The following GABBR2 variants were observed in gnomAD, a reference collection of about 807,000 sequenced individuals.
GABBR2 encodes the protein gamma-aminobutyric acid type B receptor subunit 2.
In GABBR2, 23 loss-of-function variants were observed where a neutral mutation model predicts 105.6. That is an observed-to-expected ratio of 0.22 (90% CI 0.16 to 0.31). The LOEUF is 0.31. Among genes scored for constraint, GABBR2 ranks in the 10% least tolerant of loss-of-function variants. The pLI is 1.00. For missense variants in GABBR2, 734 were observed against 1,245.5 expected, an observed-to-expected ratio of 0.59 and a Z score of 6.18; for synonymous variants, 478 against 499.7, an observed-to-expected ratio of 0.96 and a Z score of 0.58.
intron 1 of GABBR2, among the ~76,000 whole-genome samples, chr9:98,625,850 G>A (rs1006306600): frequency 3.3e-5 from 5 of 152,220 alleles, no homozygotes; most frequent in Non-Finnish European, 7.3e-5. Context: ...CCATTTCACA[G>A]ATGAAGAAAC....
At chr9:98,401,390 T>G (rs745596102) in intron 8 of GABBR2, among the ~76,000 whole-genome samples, 16 of 151,800 alleles carry the variant, frequency 1.1e-4, no homozygotes, top group Non-Finnish European at 2.1e-4. Context: ...ACATGGAGAG[T>G]CGATGGCTCA....
chr9:98,438,033 C>T (rs551534110), intron 7 of GABBR2, among the ~76,000 whole-genome samples: 83 of 151,610 alleles, frequency 5.5e-4, no homozygotes, highest in Non-Finnish European at 9.0e-4. Context: ...CACCTACCCA[C>T]GTATCCATTC....
intron 9 of GABBR2, 88 bp from the exon 10 acceptor site, chr9:98,389,092 A>G: frequency 8.5e-7 from 1 of 1,179,010 alleles, no homozygotes; most frequent in South Asian, 1.5e-5. Context: ...ACATCCAGCC[A>G]GGCCCTGCGC....
intron 6 of GABBR2, among the ~76,000 whole-genome samples, chr9:98,455,572 G>A (rs966908736): frequency 6.6e-6 from 1 of 152,140 alleles, no homozygotes; most frequent in Non-Finnish European, 1.5e-5. Flanking sequence ...GGTGGAGGGA[G>A]GGGGGGCGCG....
intron 13 of GABBR2, among the ~76,000 whole-genome samples, chr9:98,361,358 C>T (rs1471051301): frequency 7.0e-6 from 1 of 143,408 alleles, no homozygotes; most frequent in Admixed American, 6.7e-5. Context: ...ATGATACCAG[C>T]TGTCATCATC....
chr9:98,704,313 G>C (rs938973318), intron 1 of GABBR2, among the ~76,000 whole-genome samples: 2 of 152,194 alleles, frequency 1.3e-5, no homozygotes, highest in Non-Finnish European at 2.9e-5. Context: ...TTTCTACATT[G>C]GATCTTGGCA....
At chr9:98,565,512 A>G (rs552574846) in intron 2 of GABBR2, among the ~76,000 whole-genome samples, 39 of 152,262 alleles carry the variant, frequency 2.6e-4, no homozygotes, top group African/African-American at 8.7e-4. Flanking sequence ...CTCCTCTTAC[A>G]CAGGGGCCCA....
chr9:98,425,655 C>A (rs774742631), intron 7 of GABBR2, among the ~76,000 whole-genome samples: 3 of 152,178 alleles, frequency 2.0e-5, no homozygotes, highest in Non-Finnish European at 2.9e-5. Flanking sequence ...TGGATATTAC[C>A]ACCTTCCCAT....
chr9:98,652,146 T>C (rs1588269778), intron 1 of GABBR2, among the ~76,000 whole-genome samples: 1 of 152,200 alleles, frequency 6.6e-6, no homozygotes, highest in East Asian at 1.9e-4. Flanking sequence ...TGTATCATAG[T>C]TACATTATGT....
At chr9:98,545,955 A>T (rs1828392784) in intron 2 of GABBR2, among the ~76,000 whole-genome samples, 1 of 152,158 alleles carries the variant, frequency 6.6e-6, no homozygotes, top group African/African-American at 2.4e-5. Flanking sequence ...CGCATAACCA[A>T]GTTTGTTTCT....
intron 7 of GABBR2, among the ~76,000 whole-genome samples, chr9:98,437,988 T>C (rs1427672985): frequency 6.7e-6 from 1 of 150,044 alleles, no homozygotes; most frequent in Non-Finnish European, 1.5e-5. Context: ...ACCCACATAC[T>C]CATTCATTTA....
At chr9:98,394,052 T>C in intron 9 of GABBR2, 123 bp downstream of exon 9, 1 of 696,550 alleles carries the variant, frequency 1.4e-6, no homozygotes. Flanking sequence ...AGTGCATGTG[T>C]TGAGGATGTT....
intron 5 of GABBR2, among the ~76,000 whole-genome samples, chr9:98,475,817 C>G (rs896090778): frequency 4.6e-5 from 7 of 152,180 alleles, no homozygotes; most frequent in Non-Finnish European, 8.8e-5. Context: ...GCCTATAGCA[C>G]TTTGGGAGGC....
intron 1 of GABBR2, among the ~76,000 whole-genome samples, chr9:98,586,216 C>T (rs1227425930): frequency 6.6e-6 from 1 of 152,014 alleles, no homozygotes; most frequent in Admixed American, 6.6e-5. Context: ...TGCACATAGC[C>T]CTCCTTTACC....
intron 2 of GABBR2, 73 bp downstream of exon 2, chr9:98,577,862 G>A: frequency 7.0e-7 from 1 of 1,432,574 alleles, no homozygotes; most frequent in South Asian, 1.3e-5. Flanking sequence ...CATTGTACAA[G>A]GAATAATTCC....
chr9:98,563,799 T>C (rs1205615927), intron 2 of GABBR2, among the ~76,000 whole-genome samples: 1 of 152,186 alleles, frequency 6.6e-6, no homozygotes, highest in Non-Finnish European at 1.5e-5. Flanking sequence ...CTCTTCATCA[T>C]GGAAATAATA....
At chr9:98,324,541 CAG>C (rs984505417) in intron 13 of GABBR2, among the ~76,000 whole-genome samples, 4 of 140,830 alleles carry the variant, frequency 2.8e-5, no homozygotes, top group African/African-American at 5.3e-5. Flanking sequence ...CACACACACA[CAG>C]AGTAGTGCAT....
intron 1 of GABBR2, among the ~76,000 whole-genome samples, chr9:98,649,053 C>T (rs771888797): frequency 2.6e-5 from 4 of 152,082 alleles, no homozygotes; most frequent in Non-Finnish European, 5.9e-5. Flanking sequence ...AAGTCCGCAA[C>T]CTAAAGGTCC....
intron 11 of GABBR2, among the ~76,000 whole-genome samples, chr9:98,381,544 G>A (rs904453440): frequency 3.9e-5 from 6 of 152,188 alleles, no homozygotes; most frequent in Non-Finnish European, 8.8e-5. Flanking sequence ...CCTCTTCCTG[G>A]GCAATATTGA....
Sources: allele counts gnomAD v4.1 joint callset (sites outside exome capture counted in the v4.1 genomes callset), GRCh38; gene constraint gnomAD v4.1.1; transcripts MANE v1.5; gene names NCBI Gene and HGNC (gene_info 2026-07-23, HGNC 2026-07-21).